Variants in TBC1D1 observed in about 807,000 individuals in gnomAD.
TBC1D1 encodes TBC1 domain family member 1.
In TBC1D1, 89 loss-of-function variants were observed where a neutral mutation model predicts 125.6. That is an observed-to-expected ratio of 0.71 (90% confidence interval 0.60 to 0.85). TBC1D1 has a LOEUF of 0.85. Ranked by LOEUF, TBC1D1 falls within the 40% of genes least tolerant of loss-of-function variation. The pLI, the probability that TBC1D1 is intolerant of heterozygous loss-of-function variation, is 0.00. For synonymous variants in TBC1D1, 565 were observed against 564.1 expected, an observed-to-expected ratio of 1.00 and a Z score of -0.02; for missense variants, 1,377 against 1,469.2, an observed-to-expected ratio of 0.94 and a Z score of 1.03.
At chr4:38,003,992 CA>C (rs1194062849) in intron 2 of TBC1D1, among the ~76,000 whole-genome samples, 1 of 152,122 alleles carries the variant, frequency 6.6e-6, no homozygotes, top group Non-Finnish European at 1.5e-5. Context: ...ATTTTGTCCT[CA>C]AAATGACCCT....
chr4:38,000,708 A>G (rs543515109), intron 2 of TBC1D1, among the ~76,000 whole-genome samples: 67 of 152,268 alleles, frequency 4.4e-4, no homozygotes, highest in African/African-American at 1.1e-3. Context: ...CTGGTCACCA[A>G]CTGGGTCTCC....
intron 2 of TBC1D1, among the ~76,000 whole-genome samples, chr4:38,009,515 G>A (rs1741032147): frequency 6.6e-6 from 1 of 152,134 alleles, no homozygotes; most frequent in Non-Finnish European, 1.5e-5. Flanking sequence ...AATTACACTT[G>A]CAGTGTATTT....
At chr4:38,012,805 G>T (rs1741787124) in intron 2 of TBC1D1, among the ~76,000 whole-genome samples, 2 of 151,424 alleles carry the variant, frequency 1.3e-5, no homozygotes, top group African/African-American at 2.4e-5. Flanking sequence ...TGGCTATTTT[G>T]TTTTTTTTGA....
chr4:38,008,024 G>A (rs1302490513), intron 2 of TBC1D1, among the ~76,000 whole-genome samples: 1 of 152,202 alleles, frequency 6.6e-6, no homozygotes, highest in Non-Finnish European at 1.5e-5. Context: ...TTAGGTGGGT[G>A]GACCTGGACA....
At chr4:38,066,010 G>A (rs556358475) in intron 12 of TBC1D1, among the ~76,000 whole-genome samples, 2 of 152,288 alleles carry the variant, frequency 1.3e-5, no homozygotes, top group South Asian at 4.1e-4. Flanking sequence ...TATGTCTCCT[G>A]CAGCTCTTGG....
At chr4:38,022,416 A>C (rs1744233745) in intron 6 of TBC1D1, among the ~76,000 whole-genome samples, 1 of 152,222 alleles carries the variant, frequency 6.6e-6, no homozygotes. Flanking sequence ...TGAGGATTAG[A>C]GATGTCTAGG....
intron 2 of TBC1D1, among the ~76,000 whole-genome samples, chr4:37,918,448 C>CT (rs1206501747): frequency 6.7e-6 from 1 of 149,910 alleles, no homozygotes; most frequent in African/African-American, 2.4e-5. Flanking sequence ...TGGCATTTTC[C>CT]TCTTTTTTTT....
At chr4:38,039,967 A>G (rs1748030695) in intron 8 of TBC1D1, among the ~76,000 whole-genome samples, 1 of 151,720 alleles carries the variant, frequency 6.6e-6, no homozygotes. Context: ...TTTTTTAAAG[A>G]AATTATTGTC....
intron 2 of TBC1D1, among the ~76,000 whole-genome samples, chr4:37,991,004 A>C (rs1018780464): frequency 1.1e-4 from 15 of 137,144 alleles, no homozygotes; most frequent in African/African-American, 4.1e-4. Flanking sequence ...ACTCTGTGGC[A>C]GGCACTTGAG....
intron 12 of TBC1D1, among the ~76,000 whole-genome samples, chr4:38,054,781 A>C (rs1280350778): frequency 6.6e-6 from 1 of 152,180 alleles, no homozygotes; most frequent in Non-Finnish European, 1.5e-5. Context: ...ATGAAGTGTG[A>C]GATTTGGCCT....
chr4:37,929,132 T>C (rs1423063419), intron 2 of TBC1D1, among the ~76,000 whole-genome samples: 1 of 152,242 alleles, frequency 6.6e-6, no homozygotes, highest in Non-Finnish European at 1.5e-5. Context: ...TTGATGCTTT[T>C]ATAGTGGCTA....
intron 2 of TBC1D1, among the ~76,000 whole-genome samples, chr4:37,988,048 G>A (rs1735812273): frequency 6.6e-6 from 1 of 152,212 alleles, no homozygotes; most frequent in Non-Finnish European, 1.5e-5. Flanking sequence ...GCGACAGTGG[G>A]AAAGATGATC....
intron 12 of TBC1D1, among the ~76,000 whole-genome samples, chr4:38,057,392 C>T (rs986805536): frequency 2.0e-5 from 3 of 152,200 alleles, no homozygotes; most frequent in African/African-American, 7.2e-5. Flanking sequence ...CACATGTTCA[C>T]AGGTTCATCT....
intron 3 of TBC1D1, 35 bp from the exon 4 acceptor site, chr4:38,018,319 T>A: frequency 8.7e-6 from 13 of 1,489,726 alleles, no homozygotes; most frequent in Non-Finnish European, 1.2e-5. Flanking sequence ...AATGAGAAAG[T>A]TTGAAAAGCT....
chr4:38,049,923 A>G (rs201666444), intron 11 of TBC1D1, 25 bp downstream of exon 11: 4 of 1,595,702 alleles, frequency 2.5e-6, no homozygotes, highest in Non-Finnish European at 3.4e-6. Context: ...AATTTGTTGC[A>G]TAAATAGCTG....
At chr4:37,966,803 C>T (rs1035914938) in intron 2 of TBC1D1, among the ~76,000 whole-genome samples, 4 of 152,172 alleles carry the variant, frequency 2.6e-5, no homozygotes, top group African/African-American at 9.7e-5. Context: ...GTGATGTTCC[C>T]TGCCCTGGAG....
At chr4:37,985,883 T>C (rs1735342712) in intron 2 of TBC1D1, among the ~76,000 whole-genome samples, 1 of 152,240 alleles carries the variant, frequency 6.6e-6, no homozygotes. Flanking sequence ...AGATGAGGTC[T>C]GAGTGAAGTC....
chr4:38,125,262 G>A lies in TBC1D1; in HGVS notation c.3132+131G>A, dbSNP rs1764460729. 3 of 802,908 alleles carry A rather than the reference G, an allele frequency of 3.7e-6. No homozygotes were observed. The South Asian group carries it at 5.4e-5, about 14-fold the overall frequency. The allele number at this position is 802,908 out of a possible 1,614,324, so 49.7% of individuals were successfully genotyped here. ...GGCATTCTGCATGATGCCTGGCATG[G>A]AGGAGGCATATCACAAACGTGTGGA... On this transcript the variant is annotated intron_variant, in intron 18 of 19. Transcript: ENST00000261439.
At chr4:38,135,918 G>GTA (rs751739348) in intron 19 of TBC1D1, among the ~76,000 whole-genome samples, 3 of 115,776 alleles carry the variant, frequency 2.6e-5, no homozygotes, top group Non-Finnish European at 5.3e-5. Context: ...ATACGTGTGT[G>GTA]TGTATATGTG....
Sources: allele counts gnomAD v4.1 joint callset (sites outside exome capture counted in the v4.1 genomes callset), GRCh38; gene constraint gnomAD v4.1.1; transcripts MANE v1.5; gene names NCBI Gene and HGNC (gene_info 2026-07-23, HGNC 2026-07-21).